HSPG2: variants seen among roughly 807,000 people sequenced by gnomAD.
HSPG2 encodes the protein heparan sulfate proteoglycan 2, also known as basement membrane-specific heparan sulfate proteoglycan core protein.
A neutral mutation model predicts 526.6 loss-of-function variants in HSPG2; 278 were observed. That is an observed-to-expected ratio of 0.53 (90% CI 0.48 to 0.58). The LOEUF (loss-of-function observed/expected upper bound fraction) is 0.58, where lower values mean the gene tolerates loss of function less well. Among genes scored for constraint, HSPG2 ranks in the 20% least tolerant of loss-of-function variants. The pLI is 0.00. For missense variants in HSPG2, 5,354 were observed against 6,099.5 expected, an observed-to-expected ratio of 0.88 and a Z score of 4.07; for synonymous variants, 2,465 against 2,555.4, an observed-to-expected ratio of 0.96 and a Z score of 1.07.
At position 21,868,400 on chromosome 1, in the gene HSPG2, C is replaced by T. The variant is rs139432157; in HGVS notation, c.4222-2591G>A. Among the ~76,000 whole-genome samples, 472 of 152,248 alleles carry T rather than the reference C, an allele frequency of 3.1e-3. 1 individual carries two copies. Among genetic ancestry groups the T allele is most frequent in the Non-Finnish European group, 4.5e-3 (303 of 68,020 alleles). ...GAACAAAATAGAGGCAATATGAATA[C>T]TCATCTAAGGCCAATGCCAGCACTC... On this transcript the variant is annotated intron_variant, in intron 33 of 96. Transcript: ENST00000374695.
rs150109595 is a variant in HSPG2 at position 21,839,067 on chromosome 1, G to A, written c.9908C>T (p.Thr3303Met). The A allele has an allele frequency of 1.3e-4, 210 of 1,588,052 alleles. No homozygotes were observed. The highest frequency in any genetic ancestry group is 1.6e-4 in the Non-Finnish European group (186 of 1,161,930). The change falls in exon 74 of 97, where the codon ACG becomes ATG. Residue 3303 changes from threonine to methionine, a missense_variant. By Grantham distance (81) the Thr-to-Met change is moderately conservative. Transcript: ENST00000374695. The surrounding 1 kb of genome is among the most constrained non-coding windows in gnomAD (Gnocchi z 4.5). ...CTGCACCGAAGCGTGCTCTGGGACCGTGGTGGCATATGGTGGGCCTGAGTG... is the reference window on the plus strand; with the variant it reads ...CTGCACCGAAGCGTGCTCTGGGACCATGGTGGCATATGGTGGGCCTGAGTG... ...LHVESPPYAT[T>M]VPEHASVQAG...
chr1:21,833,757 G>A (rs922308381), intron 78 of HSPG2, 59 bp downstream of exon 78: 37 of 1,509,558 alleles, frequency 2.5e-5, no homozygotes, highest in South Asian at 1.9e-4. Context: ...ACACTGAGAC[G>A]CTTCAGATCT....
intron 1 of HSPG2, among the ~76,000 whole-genome samples, chr1:21,931,253 G>A (rs1198761961): frequency 1.3e-5 from 2 of 152,242 alleles, no homozygotes. Context: ...CAGCCCTGAC[G>A]CCACCAGGCT....
chr1:21,839,908 G>T lies in HSPG2; in HGVS notation c.9623C>A (p.Ala3208Asp). The T allele has an allele frequency of 6.2e-7, 1 of 1,614,192 alleles. No individual in the cohort carries two copies. Among genetic ancestry groups the T allele is most frequent in the Non-Finnish European group, 8.5e-7 (1 of 1,180,034 alleles). Reference sequence around the variant, plus strand: ...AGCTTGGACCTGAGGGGCCCCTGGGGCCATGGCGCCCGTGTCCACGATCAC... The same window carrying T: ...AGCTTGGACCTGAGGGGCCCCTGGGTCCATGGCGCCCGTGTCCACGATCAC... Reference protein sequence around the residue: ...VEVIVDTGAMAPGAPQVQAEE... With the variant: ...VEVIVDTGAMDPGAPQVQAEE... Residue 3208 changes from alanine to aspartate, a missense_variant, in exon 72 of 97, where the codon GCC (alanine) becomes GAC (aspartate). Coordinates refer to ENST00000374695, the MANE Select transcript of HSPG2 (RefSeq NM_005529.7). This position sits in a 1 kb window ranked among gnomAD's most constrained non-coding sequence, Gnocchi z 4.5.
At chr1:21,843,148 G>C in intron 66 of HSPG2, 149 bp downstream of exon 66, 1 of 1,228,668 alleles carries the variant, frequency 8.1e-7, no homozygotes, top group African/African-American at 1.5e-5. Context: ...GTCAGACTTG[G>C]GAACACCTGG....
chr1:21,859,796 G>A lies in HSPG2; in HGVS notation c.5182+39C>T. 2 of 1,607,184 alleles carry A rather than the reference G, an allele frequency of 1.2e-6. No homozygotes were observed. The highest frequency in any genetic ancestry group is 4.5e-5 in the East Asian group (2 of 44,690). On this transcript the variant is annotated intron_variant, in intron 41 of 96. Transcript: ENST00000374695. The surrounding 1 kb of genome is among the most constrained non-coding windows in gnomAD (Gnocchi z 5.3). ...AGGCCCCTGCCTCCCCTCCCACTGGGATGGCTCTTGGGGCTGAGGAGCCTA... is the reference window on the plus strand; with the variant it reads ...AGGCCCCTGCCTCCCCTCCCACTGGAATGGCTCTTGGGGCTGAGGAGCCTA...
In HSPG2 at chr1:21,873,442, C is replaced by T; in HGVS notation, c.3744-18G>A. 6.2e-7 allele frequency: 1 copy of T among 1,613,958 alleles called. No individual in the cohort carries two copies. The highest frequency in any genetic ancestry group is 8.5e-7 in the Non-Finnish European group (1 of 1,179,888). The stretch of plus-strand genomic sequence containing the variant: ...GGGCGCACCTGCAGAGAGAAAAAGC[C>T]TCTGATGAATTTTGGATGAAGGGAA... On this transcript the variant is annotated intron_variant, in intron 29 of 96. Coordinates refer to ENST00000374695, the MANE Select transcript of HSPG2 (RefSeq NM_005529.7).
At chr1:21,910,770 C>T (rs567551705) in intron 1 of HSPG2, among the ~76,000 whole-genome samples, 39 of 152,230 alleles carry the variant, frequency 2.6e-4, no homozygotes, top group Admixed American at 4.6e-4. Flanking sequence ...TCGATGGTAA[C>T]GTTGCCAGCT....
At chr1:21,922,297 T>C (rs573150436) in intron 1 of HSPG2, among the ~76,000 whole-genome samples, 4 of 152,332 alleles carry the variant, frequency 2.6e-5, no homozygotes, top group African/African-American at 9.6e-5. Flanking sequence ...CTCAGGGCTA[T>C]GCCTCCTGCC....
Position 21,864,714 on chromosome 1 carries a change from T to C in HSPG2, c.4626+129A>G, listed in dbSNP as rs998192384. On this transcript the variant is annotated intron_variant, in intron 36 of 96. Transcript: ENST00000374695. This position sits in a 1 kb window ranked among gnomAD's most constrained non-coding sequence, Gnocchi z 4.8. ...TGTAACTCAGGGCTGTCGGGAGGAA[T>C]ACATGCAGGGCCCAGATGCAGGGGT... 3 of 781,520 alleles carry C rather than the reference T, an allele frequency of 3.8e-6. No individual in the cohort carries two copies. The highest frequency in any genetic ancestry group is 6.5e-6 in the Non-Finnish European group (3 of 461,952). The allele number at this position is 781,520 out of a possible 1,614,324, so 48.4% of individuals were successfully genotyped here. A position where few individuals can be genotyped will look rare whatever the true frequency, so the allele number is the denominator to read the frequency against.
intron 81 of HSPG2, among the ~76,000 whole-genome samples, 167 bp from the exon 82 acceptor site, chr1:21,831,963 G>A (rs996350926): frequency 2.6e-5 from 4 of 152,034 alleles, no homozygotes; most frequent in East Asian, 1.9e-4. Flanking sequence ...GTCCCTCCCC[G>A]TGACCCATCC....
At position 21,890,570 on chromosome 1, in the gene HSPG2, C is replaced by A; in HGVS notation, c.354+15G>T. 3 of 1,609,966 alleles carry A rather than the reference C, an allele frequency of 1.9e-6. No individual in the cohort carries two copies. The highest frequency in any genetic ancestry group is 3.3e-4 in the Middle Eastern group (2 of 6,062). ...CCGCCACACCCGCGAGCTTCCCAAA[C>A]CCCCTTCACCTCACCGTGTCTACCA... On this transcript the variant is annotated intron_variant, in intron 4 of 96. Transcript: ENST00000374695. The surrounding 1 kb of genome is among the most constrained non-coding windows in gnomAD (Gnocchi z 4.1).
intron 1 of HSPG2, chr1:21,908,541 T>C: frequency 2.1e-6 from 2 of 946,684 alleles, no homozygotes; most frequent in Non-Finnish European, 3.5e-6. Flanking sequence ...GGAAGGAGCC[T>C]GAGCTGCTGG....
In HSPG2 at chr1:21,835,595, G is replaced by A. The variant is rs1197981803; in HGVS notation, c.10398C>T (p.Cys3466=). The change falls in exon 76 of 97, where the codon TGC becomes TGT. Residue 3466 remains cysteine, a synonymous_variant. Coordinates refer to ENST00000374695, the MANE Select transcript of HSPG2 (RefSeq NM_005529.7). ...CCTTCCCCCAAGGTCCATGGGCCTGGCATATATACGTCCCTTGGCAGCTCT... is the reference window on the plus strand; with the variant it reads ...CCTTCCCCCAAGGTCCATGGGCCTGACATATATACGTCCCTTGGCAGCTCT... ...LDQSCQGTYI[C]QAHGPWGKAQ... 1.2e-6 allele frequency: 2 copies of A among 1,613,930 alleles called. No individual in the cohort carries two copies. The highest frequency in any genetic ancestry group is 1.7e-5 in the Admixed American group (1 of 60,002).
intron 1 of HSPG2, 76 bp downstream of exon 1, chr1:21,937,079 G>C: frequency 2.0e-6 from 1 of 505,470 alleles, no homozygotes; most frequent in South Asian, 8.3e-5. Flanking sequence ...CCAAGTTGGC[G>C]GGAGGCGGCG....
intron 3 of HSPG2, among the ~76,000 whole-genome samples, chr1:21,894,805 G>C (rs915245437): frequency 2.6e-5 from 4 of 152,166 alleles, no homozygotes; most frequent in African/African-American, 7.2e-5. Context: ...AGGACGGGAC[G>C]TGCCATGTGT....
rs1179839357 is a variant in HSPG2 at position 21,881,487 on chromosome 1, A to G, written c.1670T>C (p.Met557Thr). ...PDDFKGVNVT[M>T]PAQPGTPPLS... ...GGGTGGCGTGCCGGGCTGCGCAGGC[A>G]TTGTCACATTCACACCTGTGGGTGG... The change falls in exon 14 of 97, where the codon ATG (methionine) becomes ACG (threonine). Residue 557 changes from methionine (M) to threonine (T), a missense_variant. Transcript: ENST00000374695. The G allele has an allele frequency of 3.1e-6, 5 of 1,612,044 alleles. No individual in the cohort carries two copies. In the Admixed American group the frequency reaches 6.7e-5, roughly 21 times the overall value.
chr1:21,880,416 G>A lies in HSPG2; in HGVS notation c.2142C>T (p.Thr714=), dbSNP rs1311150802. 6.2e-7 allele frequency: 1 copy of A among 1,614,054 alleles called. No individual in the cohort carries two copies. Residue 714 remains threonine (T), a synonymous_variant, in exon 16 of 97, where the codon ACC becomes ACT. Coordinates refer to ENST00000374695, the MANE Select transcript of HSPG2 (RefSeq NM_005529.7). ...SVGLSDIAMD[T]TVTHATSHGR... is the part of the protein sequence containing the mutation. ...CATGGCTGGTGGCATGGGTGACGGT[G>A]GTATCCATGGCGATGTCGCTAAGTC...
At chr1:21,870,721 G>T in intron 33 of HSPG2, 1 of 571,976 alleles carries the variant, frequency 1.7e-6, no homozygotes, top group Non-Finnish European at 2.2e-6. Flanking sequence ...CTGGATTCAT[G>T]CAGACCCCCA....
Sources: gnomAD v4.1 joint callset for allele counts (sites outside exome capture counted in the v4.1 genomes callset) on GRCh38, gnomAD v4.1.1 for gene constraint, Gnocchi (gnomAD v3.1) non-coding constraint, MANE v1.5 for transcripts, NCBI Gene and HGNC (gene_info 2026-07-23, HGNC 2026-07-21) for gene names.